Variants in WDR36 observed in about 807,000 individuals in gnomAD.
WDR36 encodes WD repeat domain 36, also known as WD repeat-containing protein 36.
A neutral mutation model predicts 112.7 loss-of-function variants in WDR36; 63 were observed. The observed-to-expected ratio is 0.56, with a 90% CI of 0.46 to 0.69. The LOEUF is 0.69. Ranked by LOEUF, WDR36 falls within the 30% of genes least tolerant of loss-of-function variation. The pLI, the probability that WDR36 is intolerant of heterozygous loss-of-function variation, is 0.00. For missense variants in WDR36, 1,226 were observed against 1,070.3 expected (o/e 1.15, Z -2.03); for synonymous variants, 410 against 362.2 (o/e 1.13, Z -1.50).
intron 21 of WDR36, among the ~76,000 whole-genome samples, chr5:111,124,501 A>G (rs1006676588): frequency 1.1e-4 from 16 of 152,126 alleles, no homozygotes; most frequent in Admixed American, 6.5e-5. Flanking sequence ...AATTAAATGT[A>G]AAAGTTTTGT....
intron 11 of WDR36, 108 bp downstream of exon 11, chr5:111,106,251 G>A: frequency 1.9e-6 from 2 of 1,034,878 alleles, no homozygotes; most frequent in Non-Finnish European, 3.0e-6. Context: ...ATATTAATAA[G>A]CATTCAGAAG....
intron 2 of WDR36, among the ~76,000 whole-genome samples, chr5:111,096,779 A>T (rs1390409072): frequency 1.3e-5 from 2 of 152,082 alleles, no homozygotes; most frequent in African/African-American, 4.8e-5. Context: ...GTTTCAAATG[A>T]CAGTTTTTTC....
rs764405043 is a variant in WDR36, at chr5:111,111,213, C to A, written c.1651C>A (p.Leu551Met). The change falls in exon 15 of 23, where the codon CTG becomes ATG. Residue 551 changes from leucine to methionine, a missense_variant. Physicochemically the swap from Leu to Met is conservative, Grantham distance 15. Coordinates refer to ENST00000513710, the MANE Select transcript of WDR36 (RefSeq NM_139281.3). ...CTTGGATGACTTCTCCATTAGTGTT[C>A]TGGACATAGAAACTAGGAAGATTGT... is the stretch of plus-strand genomic sequence containing the variant. Reference protein sequence around the residue: ...LALDDFSISVLDIETRKIVRE... With the variant: ...LALDDFSISVMDIETRKIVRE... 5 of 1,611,680 alleles carry A rather than the reference C, an allele frequency of 3.1e-6. No individual in the cohort carries two copies. Among genetic ancestry groups the A allele is most frequent in the Non-Finnish European group, 4.2e-6 (5 of 1,178,310 alleles).
At chr5:111,095,169 T>C (rs1479675158) in intron 2 of WDR36, 13 of 525,320 alleles carry the variant, frequency 2.5e-5, no homozygotes, top group Non-Finnish European at 3.7e-5. Flanking sequence ...TTAGACTTTC[T>C]TTGTGCTTCA....
In WDR36 at chr5:111,129,541, C is replaced by T; in HGVS notation, c.*2658C>T. ...AACATTTGTTAATTTTCTTTTTCCT[C>T]TCATTTTTCTATTGAATGATTTGTC... On this transcript the variant is annotated 3_prime_UTR_variant, in exon 23 of 23. Transcript: ENST00000513710. The T allele has an allele frequency of 5.0e-6, 1 of 200,530 alleles. No homozygotes were observed. The highest frequency in any genetic ancestry group is 1.0e-5 in the Non-Finnish European group (1 of 97,378). 12.4% of individuals were successfully genotyped at this position (200,530 alleles called of 1,614,324 possible).
intron 22 of WDR36, among the ~76,000 whole-genome samples, chr5:111,126,456 T>A (rs959230884): frequency 3.3e-5 from 5 of 152,130 alleles, no homozygotes; most frequent in Non-Finnish European, 5.9e-5. Flanking sequence ...TAAAATGAGT[T>A]CACTTGATCT....
Position 111,100,720 on chromosome 5 carries a change from A to G in WDR36, c.541A>G (p.Asn181Asp). 3.1e-6 allele frequency: 5 copies of G among 1,608,198 alleles called. No homozygotes were observed. The highest frequency in any genetic ancestry group is 4.3e-6 in the Non-Finnish European group (5 of 1,176,144). ...CCTGCAGTTGTGGAATGTAAAATCC[A>G]AGTAAGTATTTTAGTTAGAAAATAA... ...GSLQLWNVKS[N>D]KLLYTFPGWK... is the part of the protein sequence containing the mutation. Residue 181 changes from asparagine to aspartate, a missense_variant and splice_region_variant, in exon 5 of 23, where the codon AAT (asparagine) becomes GAT (aspartate). By Grantham distance (23) the Asn-to-Asp change is conservative. Coordinates refer to ENST00000513710, the MANE Select transcript of WDR36 (RefSeq NM_139281.3).
intron 19 of WDR36, among the ~76,000 whole-genome samples, chr5:111,122,938 C>G (rs1296759411): frequency 5.3e-5 from 8 of 152,044 alleles, no homozygotes; most frequent in Non-Finnish European, 1.0e-4. Flanking sequence ...GGTGAAACCC[C>G]ATCTCTACTA....
rs1554109024 is a variant in WDR36 at position 111,113,053 on chromosome 5, T to TATA, written c.1717-21_1717-20insATA. The TATA allele has an allele frequency of 2.1e-3, 439 of 206,422 alleles. 1 individual carries two copies. The highest frequency in any genetic ancestry group is 0.02 in the African/African-American group (358 of 18,358). The allele number at this position is 206,422 out of a possible 1,614,324, so 12.8% of individuals were successfully genotyped here. A position where few individuals can be genotyped will look rare whatever the true frequency, so the allele number is the denominator to read the frequency against. ...TATAAATAATATATATATATATATATTTTTTTTTTTTAATTTAAAGGCTTT... is the reference window on the plus strand; with the variant it reads ...TATAAATAATATATATATATATATATATATTTTTTTTTTTAATTTAAAGGCTTT... On this transcript the variant is annotated intron_variant, in intron 15 of 22. Coordinates refer to ENST00000513710, the MANE Select transcript of WDR36 (RefSeq NM_139281.3).
At chr5:111,115,496 C>A (rs928618886) in intron 16 of WDR36, among the ~76,000 whole-genome samples, 8 of 152,076 alleles carry the variant, frequency 5.3e-5, no homozygotes, top group African/African-American at 1.9e-4. Flanking sequence ...AAAATCAGCA[C>A]AGGAGAAAGA....
chr5:111,113,044 A>ATC, intron 15 of WDR36, 30 bp from the exon 16 acceptor site: 2 of 406,616 alleles, frequency 4.9e-6, no homozygotes, highest in Non-Finnish European at 7.1e-6. Context: ...TAATATATAT[A>ATC]TATATATATT....
chr5:111,108,046 G>T (rs1580396711), intron 12 of WDR36, among the ~76,000 whole-genome samples: 1 of 151,220 alleles, frequency 6.6e-6, no homozygotes, highest in Non-Finnish European at 1.5e-5. Flanking sequence ...TTTTGATAGG[G>T]ATTTCATTTT....
rs33919278 is a variant in WDR36, at chr5:111,113,054, T to TATATATA, written c.1717-20_1717-19insATATATA. The TATATATA allele has an allele frequency of 3.4e-3, 951 of 277,136 alleles. 1 individual carries two copies. Among genetic ancestry groups the TATATATA allele is most frequent in the South Asian group, 4.8e-3 (77 of 15,884 alleles). The allele number at this position is 277,136 out of a possible 1,614,324, so 17.2% of individuals were successfully genotyped here. ...ATAAATAATATATATATATATATAT[T>TATATATA]TTTTTTTTTTAATTTAAAGGCTTTT... On this transcript the variant is annotated intron_variant, in intron 15 of 22. Transcript: ENST00000513710.
chr5:111,118,947 A>G (rs1561709002), intron 16 of WDR36, 66 bp from the exon 17 acceptor site: 1 of 1,363,272 alleles, frequency 7.3e-7, no homozygotes, highest in Non-Finnish European at 1.0e-6. Flanking sequence ...TGGCAAAAAT[A>G]TTTTTGTGAA....
intron 16 of WDR36, among the ~76,000 whole-genome samples, chr5:111,113,419 A>G (rs961495724): frequency 3.7e-5 from 5 of 133,974 alleles, no homozygotes; most frequent in African/African-American, 1.5e-4. Flanking sequence ...AGATGCCTAA[A>G]CCTTAAGAAA....
intron 1 of WDR36, among the ~76,000 whole-genome samples, chr5:111,094,285 A>C (rs1455808665): frequency 1.3e-5 from 2 of 152,198 alleles, no homozygotes; most frequent in African/African-American, 4.8e-5. Flanking sequence ...TCCTCATAAC[A>C]ATCCCATAAA....
At chr5:111,121,531 C>T (rs1410678011) in intron 19 of WDR36, among the ~76,000 whole-genome samples, 4 of 152,136 alleles carry the variant, frequency 2.6e-5, no homozygotes, top group Non-Finnish European at 2.9e-5. Flanking sequence ...TTCCACTAGA[C>T]TTTCATTTTA....
chr5:111,109,709 T>G (rs1191843020), intron 12 of WDR36, among the ~76,000 whole-genome samples: 4 of 151,450 alleles, frequency 2.6e-5, no homozygotes, highest in Non-Finnish European at 5.9e-5. Context: ...CTGTAGTGTC[T>G]TATATATTTC....
At chr5:111,116,973 T>G (rs1265922262) in intron 16 of WDR36, among the ~76,000 whole-genome samples, 1 of 152,234 alleles carries the variant, frequency 6.6e-6, no homozygotes, top group Non-Finnish European at 1.5e-5. Context: ...GATTTGAAAT[T>G]GCCGTGTTTT....
Sources: allele counts gnomAD v4.1 joint callset (sites outside exome capture counted in the v4.1 genomes callset), GRCh38; gene constraint gnomAD v4.1.1; transcripts MANE v1.5; gene names NCBI Gene and HGNC (gene_info 2026-07-23, HGNC 2026-07-21).